Variants in ZNF124 observed in about 807,000 individuals in gnomAD.
ZNF124 encodes the protein zinc finger protein HZF-16.
ZNF124 carries 25 observed loss-of-function variants against 26.6 expected under a neutral mutation model. That is an observed-to-expected ratio of 0.94 (90% CI 0.68 to 1.31). The LOEUF is 1.31. ZNF124 is among the 40% of genes most tolerant of loss of function. ZNF124 has a pLI of 0.00. For missense variants in ZNF124, 444 were observed against 422.2 expected (o/e 1.05, Z -0.45); for synonymous variants, 129 against 133.3 (o/e 0.97, Z 0.22).
At chr1:247,138,691 G>C (rs80103464) in intron 3 of ZNF124, 13,054 of 398,508 alleles carry the variant, frequency 0.033, 335 homozygotes, top group Admixed American at 0.098. Context: ...AGAAAGAAAG[G>C]TACATACATA....
In ZNF124 at chr1:247,156,705, CGA is replaced by C; in HGVS notation, c.915_916del (p.Arg306Ter). On this transcript the variant is annotated frameshift_variant, in exon 4 of 4. Transcript: ENST00000543802. LOFTEE classifies it high-confidence loss of function. ...TCCAGTATGAGTCCTTTCATGGTCA[CGA>C]AGGGAACTGGAACATCTGAAGCCTT... 1 of 1,613,360 alleles carries C rather than the reference CGA, an allele frequency of 6.2e-7. No individual in the cohort carries two copies. Among genetic ancestry groups the C allele is most frequent in the Non-Finnish European group, 8.5e-7 (1 of 1,179,798 alleles).
Position 247,156,562 on chromosome 1 carries a change from GC to G in ZNF124, c.*3del. ...TTTGACAAAAACTGTAGTGATTAAA[GC>G]CTTTACATTTTTTTACATTTATAGG... is the stretch of plus-strand genomic sequence containing the variant. On this transcript the variant is annotated 3_prime_UTR_variant, in exon 4 of 4. Coordinates refer to ENST00000543802, the MANE Select transcript of ZNF124 (RefSeq NM_001297568.2). 6.6e-7 allele frequency: 1 copy of G among 1,525,002 alleles called. No individual in the cohort carries two copies. Among genetic ancestry groups the G allele is most frequent in the Non-Finnish European group, 8.8e-7 (1 of 1,142,510 alleles). The allele number at this position is 1,525,002 out of a possible 1,614,324, so 94.5% of individuals were successfully genotyped here.
At chr1:247,165,408 A>G (rs939877177) in intron 1 of ZNF124, among the ~76,000 whole-genome samples, 1 of 152,186 alleles carries the variant, frequency 6.6e-6, no homozygotes, top group African/African-American at 2.4e-5. Context: ...ACAAATATAA[A>G]CTTTAGATGC....
Position 247,125,430 on chromosome 1 carries a change from C to CTTTTTTTTTTTTTTTTT in ZNF124, c.219-1576_219-1560dup, listed in dbSNP as rs71566695. ...TATCTTCACCGACACCTGTTTTTGT[C>CTTTTTTTTTTTTTTTTT]TTTTTTTTTTTTTTTTTTTTTTTTT... is the stretch of plus-strand genomic sequence containing the variant. On this transcript the variant is annotated intron_variant, in intron 3 of 3. Transcript: ENST00000472531. Among the ~76,000 whole-genome samples the CTTTTTTTTTTTTTTTTT allele has an allele frequency of 1.2e-3, 54 of 43,294 alleles. 13 individuals are homozygous for CTTTTTTTTTTTTTTTTT. Among genetic ancestry groups the CTTTTTTTTTTTTTTTTT allele is most frequent in the Non-Finnish European group, 1.7e-3 (39 of 23,386 alleles). The allele number at this position is 43,294 out of a possible 152,430, so 28.4% of individuals were successfully genotyped here.
At chr1:247,170,783 A>G (rs1674072538) in intron 1 of ZNF124, among the ~76,000 whole-genome samples, 1 of 140,904 alleles carries the variant, frequency 7.1e-6, no homozygotes, top group Non-Finnish European at 1.5e-5. Context: ...ACAGAACAGG[A>G]CAGGGATTTT....
chr1:247,157,060 T>A lies in ZNF124; in HGVS notation c.562A>T (p.Ser188Cys). ...YECKQCGKAF[S>C]RSSHLRDHER... is the part of the protein sequence containing the mutation. ...TGGTCACGAAGGTGACTGGAACGAC[T>A]GAAGGCTTTCCCACATTGCTTACAT... The change falls in exon 4 of 4, where the codon AGT becomes TGT. Residue 188 changes from serine to cysteine, a missense_variant. Ser to Cys is a moderately radical substitution (Grantham distance 112). Coordinates refer to ENST00000543802, the MANE Select transcript of ZNF124 (RefSeq NM_001297568.2). 1 of 1,614,176 alleles carries A rather than the reference T, an allele frequency of 6.2e-7. No homozygotes were observed.
chr1:247,169,325 C>T (rs189893230), intron 1 of ZNF124, among the ~76,000 whole-genome samples: 98 of 152,286 alleles, frequency 6.4e-4, no homozygotes, highest in Non-Finnish European at 1.3e-3. Context: ...AACCTCCCAG[C>T]GCAATGCACT....
At chr1:247,159,943 ACT>A (rs1019426666) in intron 1 of ZNF124, 130 bp from the exon 2 acceptor site, 120 of 940,892 alleles carry the variant, frequency 1.3e-4, no homozygotes, top group Non-Finnish European at 1.6e-4. Flanking sequence ...TAGAACTATG[ACT>A]CTGTCTACAC....
At chr1:247,148,788 G>A (rs1041930436) in intron 3 of ZNF124, among the ~76,000 whole-genome samples, 13 of 145,776 alleles carry the variant, frequency 8.9e-5, no homozygotes, top group Non-Finnish European at 1.5e-4. Context: ...GTGAAACCCC[G>A]TCTCTACTAA....
intron 3 of ZNF124, chr1:247,138,803 G>T: frequency 5.0e-6 from 2 of 398,528 alleles, no homozygotes; most frequent in Non-Finnish European, 8.8e-6. Context: ...TTAAAGCTGA[G>T]TGTGAACATG....
intron 3 of ZNF124, among the ~76,000 whole-genome samples, chr1:247,146,263 C>T (rs943425589): frequency 8.5e-5 from 13 of 152,326 alleles, no homozygotes; most frequent in African/African-American, 2.6e-4. Context: ...TGCAGCAGGG[C>T]ATAAAATTTC....
intron 3 of ZNF124, among the ~76,000 whole-genome samples, chr1:247,146,418 C>G (rs1672780673): frequency 6.6e-6 from 1 of 152,156 alleles, no homozygotes; most frequent in Non-Finnish European, 1.5e-5. Flanking sequence ...AATTGGAATA[C>G]AAAGCTAGGC....
chr1:247,150,652 T>C (rs1672904468), downstream of ZNF124, among the ~76,000 whole-genome samples: 2 of 151,902 alleles, frequency 1.3e-5, no homozygotes, highest in Admixed American at 1.3e-4. Flanking sequence ...ACATTTAATA[T>C]GCTGGGGAAA....
chr1:247,135,131 T>C (rs538793990), intron 3 of ZNF124, among the ~76,000 whole-genome samples: 1 of 151,742 alleles, frequency 6.6e-6, no homozygotes, highest in Non-Finnish European at 1.5e-5. Flanking sequence ...ACTAAATGCC[T>C]ACATCAGAAA....
intron 3 of ZNF124, among the ~76,000 whole-genome samples, chr1:247,146,695 G>GT (rs1336638146): frequency 6.6e-6 from 1 of 152,094 alleles, no homozygotes; most frequent in South Asian, 2.1e-4. Context: ...AGAACTCTGG[G>GT]TTTTTTTCAG....
chr1:247,170,751 A>G (rs996582228), intron 1 of ZNF124, among the ~76,000 whole-genome samples: 4 of 142,422 alleles, frequency 2.8e-5, no homozygotes, highest in Non-Finnish European at 4.5e-5. Context: ...TGGGGGCTGC[A>G]TGCACCGGCA....
In ZNF124 at chr1:247,159,031, A is replaced by G. The variant is rs769648260; in HGVS notation, c.193T>C (p.Tyr65His). The change falls in exon 3 of 4, where the codon TAC becomes CAC. Residue 65 changes from tyrosine to histidine, a missense_variant. Physicochemically the swap from Tyr to His is moderately conservative, Grantham distance 83 (BLOSUM62 2). Coordinates refer to ENST00000543802, the MANE Select transcript of ZNF124 (RefSeq NM_001297568.2). ...KGEDQSIEDQ[Y>H]KNSSRNLRHI... Reference sequence around the variant, plus strand: ...CTTAGATTTCTTGAAGAATTTTTGTACTGATCTTCAATGCTCTGGTCTTCC... The same window carrying G: ...CTTAGATTTCTTGAAGAATTTTTGTGCTGATCTTCAATGCTCTGGTCTTCC... 2 of 1,613,488 alleles carry G rather than the reference A, an allele frequency of 1.2e-6. No individual in the cohort carries two copies. The highest frequency in any genetic ancestry group is 1.7e-6 in the Non-Finnish European group (2 of 1,179,812).
intron 3 of ZNF124, among the ~76,000 whole-genome samples, chr1:247,134,274 T>TG (rs1672434967): frequency 1.3e-5 from 2 of 152,232 alleles, no homozygotes; most frequent in Non-Finnish European, 2.9e-5. Flanking sequence ...TAAATGTAAA[T>TG]GGGCTAAAAG....
intron 3 of ZNF124, among the ~76,000 whole-genome samples, chr1:247,144,056 G>C (rs1672698671): frequency 6.6e-6 from 1 of 152,148 alleles, no homozygotes; most frequent in Non-Finnish European, 1.5e-5. Flanking sequence ...CCTACCATCT[G>C]CTCCAATACT....
Sources: gnomAD v4.1 joint callset for allele counts (sites outside exome capture counted in the v4.1 genomes callset) on GRCh38, gnomAD v4.1.1 for gene constraint, MANE v1.5 for transcripts, NCBI Gene and HGNC (gene_info 2026-07-23, HGNC 2026-07-21) for gene names.